TDP1: variants seen among roughly 807,000 people sequenced by gnomAD.
The protein encoded by TDP1 is tyrosyl-DNA phosphodiesterase 1.
TDP1 carries 64 observed loss-of-function variants against 81.5 expected under a neutral mutation model. The ratio of observed to expected loss-of-function variants is 0.79; its 90% confidence interval spans 0.64 to 0.97. The LOEUF (loss-of-function observed/expected upper bound fraction) is 0.97. Among genes scored for constraint, TDP1 ranks in the 50% least tolerant of loss-of-function variants. TDP1 has a pLI of 0.00. For synonymous variants in TDP1, 256 were observed against 264.3 expected (o/e 0.97, Z 0.30); for missense variants, 723 against 743.8 (o/e 0.97, Z 0.33).
intron 11 of TDP1, 67 bp downstream of exon 11, chr14:89,989,157 G>A (rs1270055952): frequency 6.6e-7 from 1 of 1,504,550 alleles, no homozygotes; most frequent in African/African-American, 1.4e-5. Flanking sequence ...TTGAAAATTG[G>A]TCCTCTTTGT....
rs573413788 is a variant in TDP1 at position 89,981,951 on chromosome 14, G to A, written c.884+1319G>A. On this transcript the variant is annotated intron_variant, in intron 8 of 16. Coordinates refer to ENST00000335725, the MANE Select transcript of TDP1 (RefSeq NM_018319.4). ...GCTGAGATTACAGGCATGAACCACCGTGCCTGGCCCCAAGTTACATCTTAG... is the reference window on the plus strand; with the variant it reads ...GCTGAGATTACAGGCATGAACCACCATGCCTGGCCCCAAGTTACATCTTAG... Among the ~76,000 whole-genome samples the A allele has an allele frequency of 3.3e-5, 5 of 152,168 alleles. No homozygotes were observed. In the South Asian group the frequency reaches 6.2e-4, roughly 19 times the overall value.
Position 89,956,747 on chromosome 14 carries a change from A to G in TDP1, c.-61A>G, listed in dbSNP as rs1891693028. 1 of 152,250 alleles carries G rather than the reference A, an allele frequency of 6.6e-6. No individual in the cohort carries two copies. Among genetic ancestry groups the G allele is most frequent in the Non-Finnish European group, 1.5e-5 (1 of 68,076 alleles). 9.4% of individuals were successfully genotyped at this position (152,250 alleles called of 1,614,324 possible). ...ACCCCGTCTCTACAAAAATAGAAAA[A>G]TTAGCCGAGCGTGATGGTGGATGCC... On this transcript the variant is annotated 5_prime_UTR_variant, in exon 2 of 17. Coordinates refer to ENST00000335725, the MANE Select transcript of TDP1 (RefSeq NM_018319.4).
Sources: gnomAD v4.1 joint callset for allele counts (sites outside exome capture counted in the v4.1 genomes callset) on GRCh38, gnomAD v4.1.1 for gene constraint, MANE v1.5 for transcripts, NCBI Gene and HGNC (gene_info 2026-07-23, HGNC 2026-07-21) for gene names.